Variants in ELMOD2 observed in about 807,000 individuals in gnomAD.
The protein encoded by ELMOD2 is ELMO domain containing 2, also known as ELMO domain-containing protein 2.
ELMOD2 carries 28 observed loss-of-function variants against 41.0 expected under a neutral mutation model. The ratio of observed to expected loss-of-function variants is 0.68; its 90% CI spans 0.51 to 0.94. ELMOD2 has a LOEUF of 0.94. Among genes scored for constraint, ELMOD2 ranks in the 40% least tolerant of loss-of-function variants. ELMOD2 has a pLI of 0.00. For missense variants in ELMOD2, 333 were observed against 343.1 expected, an observed-to-expected ratio of 0.97 and a Z score of 0.23; for synonymous variants, 106 against 107.2, an observed-to-expected ratio of 0.99 and a Z score of 0.07.
At chr4:140,539,257 A>C (rs1367838027) in intron 5 of ELMOD2, among the ~76,000 whole-genome samples, 4 of 152,130 alleles carry the variant, frequency 2.6e-5, no homozygotes, top group African/African-American at 9.6e-5. Flanking sequence ...AACTTCCGTA[A>C]GTTTCTTTCA....
At chr4:140,527,744 G>T in intron 3 of ELMOD2, 1 of 403,374 alleles carries the variant, frequency 2.5e-6, no homozygotes. Context: ...TTTAAGAGTT[G>T]ATAGCTTTTA....
intron 8 of ELMOD2, among the ~76,000 whole-genome samples, chr4:140,545,687 T>C (rs192859068): frequency 2.6e-5 from 4 of 152,112 alleles, no homozygotes; most frequent in African/African-American, 9.7e-5. Context: ...TTCCAAAGTG[T>C]TGTTGCTGGG....
At chr4:140,536,015 T>C (rs1483151547) in intron 4 of ELMOD2, among the ~76,000 whole-genome samples, 185 bp downstream of exon 4, 1 of 152,180 alleles carries the variant, frequency 6.6e-6, no homozygotes, top group Non-Finnish European at 1.5e-5. Flanking sequence ...GACTAGAACC[T>C]GTATCTCTTG....
In ELMOD2 at chr4:140,537,529, G is replaced by A. The variant is rs1734972900; in HGVS notation, c.387G>A (p.Glu129=). ...PYDSDNLQHE[E]LLMKLWNLLM... is the part of the protein sequence containing the mutation. ...ATTCTGATAACCTACAGCATGAAGAGCTACTCATGAAGGTAAATTTCTGTT... is the reference window on the plus strand; with the variant it reads ...ATTCTGATAACCTACAGCATGAAGAACTACTCATGAAGGTAAATTTCTGTT... The change falls in exon 5 of 9, where the codon GAG becomes GAA. Residue 129 remains glutamate, a synonymous_variant. Coordinates refer to ENST00000323570, the MANE Select transcript of ELMOD2 (RefSeq NM_153702.4). 6.3e-7 allele frequency: 1 copy of A among 1,598,234 alleles called. No individual in the cohort carries two copies. The highest frequency in any genetic ancestry group is 1.1e-5 in the South Asian group (1 of 87,164).
In ELMOD2 at chr4:140,540,158, A is replaced by G; in HGVS notation, c.400-10A>G. 1 of 1,612,132 alleles carries G rather than the reference A, an allele frequency of 6.2e-7. No individual in the cohort carries two copies. The highest frequency in any genetic ancestry group is 8.5e-7 in the Non-Finnish European group (1 of 1,179,306). On this transcript the variant is annotated splice_polypyrimidine_tract_variant and intron_variant, in intron 5 of 8. Transcript: ENST00000323570. ...GAAAATGTCTTAATAATGGAAATATATTTGTACAGCTTTGGAATCTTCTAA... is the reference window on the plus strand; with the variant it reads ...GAAAATGTCTTAATAATGGAAATATGTTTGTACAGCTTTGGAATCTTCTAA...
At chr4:140,550,134 G>A (rs1370654704) in intron 8 of ELMOD2, 96 bp from the exon 9 acceptor site, 68 of 1,039,034 alleles carry the variant, frequency 6.5e-5, no homozygotes, top group Non-Finnish European at 7.0e-5. Flanking sequence ...TTCTAATATG[G>A]AATTTAAAGG....
chr4:140,549,550 A>T (rs1243491604), intron 8 of ELMOD2, among the ~76,000 whole-genome samples: 2 of 152,014 alleles, frequency 1.3e-5, no homozygotes, highest in African/African-American at 2.4e-5. Context: ...TAACTCTTAG[A>T]TTTAGAAATC....
chr4:140,537,604 T>C, intron 5 of ELMOD2, 63 bp downstream of exon 5: 1 of 1,570,496 alleles, frequency 6.4e-7, no homozygotes, highest in Non-Finnish European at 8.6e-7. Flanking sequence ...AGGCTTCAGC[T>C]AAGTAAAGTC....
intron 5 of ELMOD2, among the ~76,000 whole-genome samples, chr4:140,539,841 G>A (rs1735051745): frequency 6.6e-6 from 1 of 152,072 alleles, no homozygotes; most frequent in Non-Finnish European, 1.5e-5. Context: ...TAACTATACA[G>A]TATCTGAAGC....
At chr4:140,537,586 A>C in intron 5 of ELMOD2, 45 bp downstream of exon 5, 1 of 1,586,832 alleles carries the variant, frequency 6.3e-7, no homozygotes, top group Non-Finnish European at 8.5e-7. Context: ...ACGCTAGAAA[A>C]ATAAATCAGG....
chr4:140,525,626 C>T (rs1487738523), intron 2 of ELMOD2, 56 bp downstream of exon 2: 1 of 1,536,408 alleles, frequency 6.5e-7, no homozygotes, highest in Admixed American at 2.1e-5. Context: ...GTGTTTTTCT[C>T]AGGACTCACA....
intron 6 of ELMOD2, 78 bp downstream of exon 6, chr4:140,540,379 G>C: frequency 1.3e-6 from 2 of 1,545,090 alleles, no homozygotes; most frequent in Non-Finnish European, 1.8e-6. Flanking sequence ...CTAATAAGAA[G>C]TGATCTAGTT....
In ELMOD2 at chr4:140,525,446, G is replaced by A; in HGVS notation, c.18G>A (p.Trp6Ter). Residue 6 changes from tryptophan to a stop codon, truncating the protein, a stop_gained, in exon 2 of 9, where the codon TGG becomes TGA. Coordinates refer to ENST00000323570, the MANE Select transcript of ELMOD2 (RefSeq NM_153702.4). LOFTEE classifies it high-confidence loss of function. ...AAAAAAAAATGTTTATTTCTTTGTG[G>A]GAGTTCTTCTATGGGCACTTTTTTC... The part of the protein sequence containing the change: MFISL[W>*]EFFYGHFFRF... 1 of 1,613,430 alleles carries A rather than the reference G, an allele frequency of 6.2e-7. No homozygotes were observed. Among genetic ancestry groups the A allele is most frequent in the Non-Finnish European group, 8.5e-7 (1 of 1,179,730 alleles).
rs1417916722 is a variant in ELMOD2 at position 140,553,758 on chromosome 4, A to G, written c.*3383A>G. 1.3e-5 allele frequency: 2 copies of G among 152,168 alleles called. No homozygotes were observed. The highest frequency in any genetic ancestry group is 4.8e-5 in the African/African-American group (2 of 41,468). 9.4% of individuals were successfully genotyped at this position (152,168 alleles called of 1,614,324 possible). On this transcript the variant is annotated 3_prime_UTR_variant, in exon 9 of 9. Coordinates refer to ENST00000323570, the MANE Select transcript of ELMOD2 (RefSeq NM_153702.4). ...AATGTTAAGTGAGCAAATAAAAAAC[A>G]TGTTGAAATTGTTGTAAGCCTTCCT...
At chr4:140,534,137 A>G (rs1266561449) in intron 3 of ELMOD2, among the ~76,000 whole-genome samples, 1 of 152,194 alleles carries the variant, frequency 6.6e-6, no homozygotes, top group Non-Finnish European at 1.5e-5. Flanking sequence ...CAAACTGGGA[A>G]CAATGCAAAT....
At chr4:140,532,330 C>T (rs1734778647) in intron 3 of ELMOD2, among the ~76,000 whole-genome samples, 1 of 151,936 alleles carries the variant, frequency 6.6e-6, no homozygotes. Context: ...CCATGCCTGG[C>T]TAATTTTTGT....
intron 8 of ELMOD2, among the ~76,000 whole-genome samples, chr4:140,549,200 A>T (rs1309116925): frequency 1.3e-5 from 2 of 152,130 alleles, no homozygotes; most frequent in Admixed American, 6.5e-5. Context: ...GTGTGTATTA[A>T]TAGCTTTTTT....
chr4:140,533,489 C>G (rs540805694), intron 3 of ELMOD2, among the ~76,000 whole-genome samples: 1 of 152,098 alleles, frequency 6.6e-6, no homozygotes, highest in African/African-American at 2.4e-5. Context: ...CAATCTCTTA[C>G]CATACATGAA....
Position 140,552,999 on chromosome 4 carries a change from AAAC to A in ELMOD2, c.*2627_*2629del, listed in dbSNP as rs1356950335. The A allele has an allele frequency of 6.6e-6, 1 of 152,116 alleles. No individual in the cohort carries two copies. The highest frequency in any genetic ancestry group is 1.5e-5 in the Non-Finnish European group (1 of 67,986). 9.4% of individuals were successfully genotyped at this position (152,116 alleles called of 1,614,324 possible). A position where few individuals can be genotyped will look rare whatever the true frequency, so the allele number is the denominator to read the frequency against. On this transcript the variant is annotated 3_prime_UTR_variant, in exon 9 of 9. Transcript: ENST00000323570. Reference sequence around the variant, plus strand: ...TTACTGGCACCATTTACAGTTTAGAAAACAATCTTTTTCTTAAAAATGCCCATC... The same window carrying A: ...TTACTGGCACCATTTACAGTTTAGAAAATCTTTTTCTTAAAAATGCCCATC...
Sources: allele counts gnomAD v4.1 joint callset (sites outside exome capture counted in the v4.1 genomes callset), GRCh38; gene constraint gnomAD v4.1.1; transcripts MANE v1.5; gene names NCBI Gene and HGNC (gene_info 2026-07-23, HGNC 2026-07-21).